The following PRDM16 variants were observed in gnomAD, a reference collection of about 807,000 sequenced individuals.
The protein encoded by PRDM16 is PR/SET domain 16, also known as histone-lysine N-methyltransferase PRDM16.
PRDM16 carries 23 observed loss-of-function variants against 110.6 expected under a neutral mutation model. The ratio of observed to expected loss-of-function variants is 0.21; its 90% confidence interval spans 0.15 to 0.29. PRDM16 has a LOEUF of 0.29. PRDM16 is among the 10% of genes least tolerant of loss of function. The pLI is 1.00. For synonymous variants in PRDM16, 799 were observed against 781.8 expected, an observed-to-expected ratio of 1.02 and a Z score of -0.37; for missense variants, 1,615 against 1,794.3, an observed-to-expected ratio of 0.90 and a Z score of 1.81.
chr1:3,133,832 T>C (rs1041252612), intron 1 of PRDM16: 2 of 152,166 alleles, frequency 1.3e-5, no homozygotes, highest in African/African-American at 4.8e-5. Context: ...CGGGAATTTG[T>C]GCACAATTTT....
At position 3,414,672 on chromosome 1, in the gene PRDM16, C is replaced by T. The variant is rs746664948; in HGVS notation, c.2691+25C>T. The stretch of plus-strand genomic sequence containing the variant: ...GGTACGTCCTCAGTGCAGGTCAGGG[C>T]GCCCTGTAACCCACACGCCAGTGGC... On this transcript the variant is annotated intron_variant, in intron 10 of 16. Coordinates refer to ENST00000270722, the MANE Select transcript of PRDM16 (RefSeq NM_022114.4). 62 of 1,583,544 alleles carry T rather than the reference C, an allele frequency of 3.9e-5. No individual in the cohort carries two copies. The East Asian group carries it at 9.0e-4, about 23-fold the overall frequency.
At chr1:3,152,731 C>T (rs995205903) in intron 1 of PRDM16, among the ~76,000 whole-genome samples, 1 of 152,182 alleles carries the variant, frequency 6.6e-6, no homozygotes, top group Admixed American at 6.5e-5. Context: ...TGGGCCAGGT[C>T]CCCTGGGGAG....
chr1:3,151,123 C>G (rs1032336228), intron 1 of PRDM16, among the ~76,000 whole-genome samples: 5 of 152,192 alleles, frequency 3.3e-5, no homozygotes, highest in African/African-American at 4.8e-5. Context: ...CTCTGTGCCT[C>G]CTGCGTAGCT....
intron 1 of PRDM16, among the ~76,000 whole-genome samples, chr1:3,171,054 G>A (rs971154975): frequency 7.9e-5 from 12 of 152,216 alleles, no homozygotes; most frequent in East Asian, 3.9e-4. Context: ...CTGTCCCAGC[G>A]GGACCCCGCA....
chr1:3,411,922 C>T lies in PRDM16; in HGVS notation c.1725C>T (p.Pro575=), dbSNP rs753442334. The T allele has an allele frequency of 2.5e-5, 41 of 1,613,598 alleles. No homozygotes were observed. The highest frequency in any genetic ancestry group is 6.6e-5 in the South Asian group (6 of 91,078). ...SSQGTTAAAG[P]EEKFESRLED... is the part of the protein sequence containing the mutation. ...AGGGCACGACGGCAGCTGCGGGGCC[C>T]GAGGAGAAGTTCGAGAGCCGCCTGG... The change falls in exon 9 of 17, where the codon CCC becomes CCT. Residue 575 remains proline (P), a synonymous_variant. Transcript: ENST00000270722.
At position 3,359,059 on chromosome 1, in the gene PRDM16, T is replaced by A. The variant is rs921130207; in HGVS notation, c.439-26093T>A. ...CTTCAAATCAACCAATGTCCATTAT[T>A]TGGAGGGTCTCACTCTGTCACCCAG... On this transcript the variant is annotated intron_variant, in intron 3 of 16. Coordinates refer to ENST00000270722, the MANE Select transcript of PRDM16 (RefSeq NM_022114.4). This position sits in a 1 kb window ranked among gnomAD's most constrained non-coding sequence, Gnocchi z 4.3. 6.6e-6 allele frequency among the ~76,000 whole-genome samples: 1 copy of A among 152,170 alleles called. No individual in the cohort carries two copies. The highest frequency in any genetic ancestry group is 2.4e-5 in the African/African-American group (1 of 41,434).
At chr1:3,203,610 T>TC (rs1638682668) in intron 2 of PRDM16, among the ~76,000 whole-genome samples, 2 of 152,154 alleles carry the variant, frequency 1.3e-5, no homozygotes, top group South Asian at 4.1e-4. Context: ...GTGCAGATCT[T>TC]CCCCATGCTT....
chr1:3,122,589 G>A (rs1171890228), intron 1 of PRDM16, among the ~76,000 whole-genome samples: 2 of 152,110 alleles, frequency 1.3e-5, no homozygotes, highest in Non-Finnish European at 2.9e-5. Flanking sequence ...GCCCGCAAGA[G>A]GAAGAAAGGA....
chr1:3,278,154 C>G (rs1640633108), intron 3 of PRDM16, among the ~76,000 whole-genome samples: 1 of 152,236 alleles, frequency 6.6e-6, no homozygotes, highest in South Asian at 2.1e-4. Flanking sequence ...AAAGCCCTAT[C>G]ATAGCCTGGC....
intron 3 of PRDM16, among the ~76,000 whole-genome samples, chr1:3,374,335 C>T (rs1200365865): frequency 5.3e-5 from 8 of 152,242 alleles, no homozygotes; most frequent in South Asian, 2.1e-4. Flanking sequence ...GACCATAATG[C>T]GGGATCCCTT....
intron 1 of PRDM16, chr1:3,132,867 G>T (rs1643362026): frequency 6.6e-6 from 1 of 152,234 alleles, no homozygotes; most frequent in Non-Finnish European, 1.5e-5. Context: ...CATCCAGCCG[G>T]TCCACTCACC....
intron 1 of PRDM16, among the ~76,000 whole-genome samples, chr1:3,178,191 C>G (rs1373257592): frequency 6.6e-6 from 1 of 152,192 alleles, no homozygotes; most frequent in Non-Finnish European, 1.5e-5. Flanking sequence ...GGTCCCCTCA[C>G]ACCCAATAAA....
intron 1 of PRDM16, among the ~76,000 whole-genome samples, chr1:3,159,782 C>A (rs1386383233): frequency 6.6e-6 from 1 of 152,166 alleles, no homozygotes; most frequent in African/African-American, 2.4e-5. Context: ...GTAGGGGTAC[C>A]TGGTACTGCC....
intron 3 of PRDM16, among the ~76,000 whole-genome samples, chr1:3,313,676 C>T (rs1458781112): frequency 6.6e-6 from 1 of 152,252 alleles, no homozygotes; most frequent in African/African-American, 2.4e-5. Flanking sequence ...AACCACCTCC[C>T]AGGGGCTTCC....
At chr1:3,071,749 C>T (rs945196093) in intron 1 of PRDM16, among the ~76,000 whole-genome samples, 1 of 152,120 alleles carries the variant, frequency 6.6e-6, no homozygotes, top group South Asian at 2.1e-4. Context: ...TGGGGTTGGG[C>T]AGGGGCAAGG....
chr1:3,241,185 C>A (rs1025930066), intron 2 of PRDM16, among the ~76,000 whole-genome samples: 2 of 152,260 alleles, frequency 1.3e-5, no homozygotes, highest in African/African-American at 2.4e-5. Context: ...ATGGGGCAGG[C>A]GGTTCCGCAA....
At chr1:3,312,992 C>G (rs1472008950) in intron 3 of PRDM16, among the ~76,000 whole-genome samples, 1 of 152,222 alleles carries the variant, frequency 6.6e-6, no homozygotes, top group Admixed American at 6.5e-5. Flanking sequence ...TTCCAGGAGG[C>G]CTGGGTTTGC....
chr1:3,433,193 C>T (rs1638814641), intron 16 of PRDM16, among the ~76,000 whole-genome samples: 1 of 152,360 alleles, frequency 6.6e-6, no homozygotes, highest in African/African-American at 2.4e-5. Flanking sequence ...CTGGTGTGCA[C>T]AGGAGGCCCT....
chr1:3,212,129 C>T (rs893281621), intron 2 of PRDM16, among the ~76,000 whole-genome samples: 22 of 152,170 alleles, frequency 1.4e-4, no homozygotes, highest in African/African-American at 5.1e-4. Flanking sequence ...GTCAGGGCTG[C>T]GGAAGGACTG....
Sources: gnomAD v4.1 joint callset for allele counts (sites outside exome capture counted in the v4.1 genomes callset) on GRCh38, gnomAD v4.1.1 for gene constraint, Gnocchi (gnomAD v3.1) non-coding constraint, MANE v1.5 for transcripts, NCBI Gene and HGNC (gene_info 2026-07-23, HGNC 2026-07-21) for gene names.